The following DZIP1 variants were observed in gnomAD, a reference collection of about 807,000 sequenced individuals.
The protein encoded by DZIP1 is DAZ interacting zinc finger protein 1.
In DZIP1, 97 loss-of-function variants were observed where a neutral mutation model predicts 107.6. The observed-to-expected ratio is 0.90, with a 90% confidence interval of 0.77 to 1.07. DZIP1 has a LOEUF of 1.07. Among genes scored for constraint, DZIP1 ranks in the 50% least tolerant of loss-of-function variants. The probability of loss-of-function intolerance (pLI) is 0.00; values close to 1 mark genes in which losing one functional copy is unlikely to be tolerated. For synonymous variants in DZIP1, 390 were observed against 386.4 expected (o/e 1.01, Z -0.11); for missense variants, 1,035 against 1,063.6 (o/e 0.97, Z 0.37).
At chr13:95,620,747 A>G (rs1360805688) in intron 9 of DZIP1, among the ~76,000 whole-genome samples, 1 of 152,238 alleles carries the variant, frequency 6.6e-6, no homozygotes, top group African/African-American at 2.4e-5. Flanking sequence ...GGCCAAAAGG[A>G]AACACCAAGG....
chr13:95,626,611 A>G (rs950012836), intron 7 of DZIP1, among the ~76,000 whole-genome samples: 2 of 152,218 alleles, frequency 1.3e-5, no homozygotes, highest in Admixed American at 6.5e-5. Flanking sequence ...TCTACCAACT[A>G]TTTTAAAAAA....
chr13:95,615,919 A>C (rs1342681071), intron 10 of DZIP1, among the ~76,000 whole-genome samples: 4 of 152,226 alleles, frequency 2.6e-5, no homozygotes. Context: ...ATTTATTTCT[A>C]AATGTTCCCA....
chr13:95,613,781 G>A (rs2139152613), intron 10 of DZIP1, among the ~76,000 whole-genome samples: 1 of 152,314 alleles, frequency 6.6e-6, no homozygotes, highest in South Asian at 2.1e-4. Context: ...GAAAACTCAA[G>A]TCTAGAAAGG....
At chr13:95,640,003 T>TTA (rs1566438040) in intron 5 of DZIP1, among the ~76,000 whole-genome samples, 1 of 151,548 alleles carries the variant, frequency 6.6e-6, no homozygotes, top group African/African-American at 2.4e-5. Flanking sequence ...TATTTATTTT[T>TTA]TTTTTTTTGA....
intron 20 of DZIP1, among the ~76,000 whole-genome samples, chr13:95,587,130 A>C (rs973973322): frequency 3.3e-5 from 5 of 152,202 alleles, no homozygotes; most frequent in African/African-American, 1.2e-4. Context: ...AGAGATGCAC[A>C]CAGAGGGAAG....
At chr13:95,602,832 C>A (rs1405205395) in intron 14 of DZIP1, among the ~76,000 whole-genome samples, 2 of 152,184 alleles carry the variant, frequency 1.3e-5, no homozygotes, top group African/African-American at 4.8e-5. Context: ...TTCTGCAACA[C>A]TATTTGGGCC....
At chr13:95,623,948 A>G (rs1351835888) in intron 8 of DZIP1, among the ~76,000 whole-genome samples, 2 of 152,238 alleles carry the variant, frequency 1.3e-5, no homozygotes, top group Non-Finnish European at 2.9e-5. Context: ...TGAAAAAAAT[A>G]AAAAGTAAAA....
rs1265735229 is a variant in DZIP1 at position 95,581,291 on chromosome 13, A to G, written c.*943T>C. On this transcript the variant is annotated 3_prime_UTR_variant, in exon 23 of 23. Transcript: ENST00000376829. ...GACAATGTCATTGTTTAAGAATGTA[A>G]CTAAATTACTTTTGAGGTATTTCAT... 6.6e-6 allele frequency: 1 copy of G among 152,660 alleles called. No homozygotes were observed. Among genetic ancestry groups the G allele is most frequent in the East Asian group, 1.9e-4 (1 of 5,198 alleles). The allele number at this position is 152,660 out of a possible 1,614,324, so 9.5% of individuals were successfully genotyped here. A position where few individuals can be genotyped will look rare whatever the true frequency, so the allele number is the denominator to read the frequency against.
At chr13:95,637,636 CTCTCTCTCT>C (rs1877972286) in intron 5 of DZIP1, among the ~76,000 whole-genome samples, 2 of 142,148 alleles carry the variant, frequency 1.4e-5, no homozygotes, top group South Asian at 2.2e-4. Context: ...CTCTCTCTCT[CTCTCTCTCT>C]CCAAACACAG....
intron 16 of DZIP1, among the ~76,000 whole-genome samples, chr13:95,592,075 T>C (rs532384222): frequency 1.3e-5 from 2 of 152,244 alleles, no homozygotes; most frequent in South Asian, 4.1e-4. Flanking sequence ...ATGACAAAAA[T>C]GTCCTTTTAA....
rs912408112 is a variant in DZIP1, at chr13:95,580,154, G to A, written c.*2080C>T. ...GTTCGAGACCAGTCTGGCCAACATG[G>A]TGAAACCTCATCTCTACTAAAAATA... On this transcript the variant is annotated 3_prime_UTR_variant, in exon 23 of 23. Coordinates refer to ENST00000376829, the MANE Select transcript of DZIP1 (RefSeq NM_198968.4). 2.0e-5 allele frequency: 3 copies of A among 152,124 alleles called. No homozygotes were observed. Among genetic ancestry groups the A allele is most frequent in the African/African-American group, 7.2e-5 (3 of 41,408 alleles). The allele number at this position is 152,124 out of a possible 1,614,324, so 9.4% of individuals were successfully genotyped here.
chr13:95,594,840 TCTC>T (rs962975320), intron 15 of DZIP1, among the ~76,000 whole-genome samples: 2 of 150,032 alleles, frequency 1.3e-5, no homozygotes, highest in Admixed American at 1.3e-4. Flanking sequence ...TAGGACATAT[TCTC>T]CTCACTTCCA....
chr13:95,622,504 G>A (rs1258521550), intron 8 of DZIP1, 24 bp from the exon 9 acceptor site: 1 of 1,613,726 alleles, frequency 6.2e-7, no homozygotes, highest in Admixed American at 1.7e-5. Flanking sequence ...TTCAAGCTCA[G>A]TACTACAGTT....
At chr13:95,620,240 T>C (rs1875660081) in intron 9 of DZIP1, among the ~76,000 whole-genome samples, 1 of 152,170 alleles carries the variant, frequency 6.6e-6, no homozygotes, top group Admixed American at 6.5e-5. Context: ...CTTCACTCTT[T>C]CCTGCTCCAT....
At chr13:95,625,383 C>T (rs76107214) in intron 7 of DZIP1, among the ~76,000 whole-genome samples, 1,773 of 152,234 alleles carry the variant, frequency 0.012, 18 homozygotes, top group Non-Finnish European at 0.016. Flanking sequence ...TTCTCAATGA[C>T]CTTCAGGGTT....
chr13:95,587,922 C>A, intron 19 of DZIP1, 193 bp from the exon 20 acceptor site: 1 of 574,006 alleles, frequency 1.7e-6, no homozygotes, highest in East Asian at 3.0e-5. Context: ...TCCTCCCACG[C>A]CCAGATCTCT....
chr13:95,619,887 G>T lies in DZIP1; in HGVS notation c.1171C>A (p.Arg391=), dbSNP rs201059893. 378 of 1,613,564 alleles carry T rather than the reference G, an allele frequency of 2.3e-4. 2 individuals carry two copies. In the Admixed American group the frequency reaches 6.3e-3, roughly 27 times the overall value. The change falls in exon 10 of 23, where the codon CGG becomes AGG. Residue 391 remains arginine, a splice_region_variant and synonymous_variant. Coordinates refer to ENST00000376829, the MANE Select transcript of DZIP1 (RefSeq NM_198968.4). ...IHQEHKKEKG[R]LLSHIEKLRT... ...GGCCACTGGTTTCTTAACCTTACCC[G>T]ACCCTTCTCTTTCTTGTGTTCTTGA... is the stretch of plus-strand genomic sequence containing the variant.
intron 10 of DZIP1, among the ~76,000 whole-genome samples, chr13:95,615,340 C>T (rs1288320906): frequency 2.0e-5 from 3 of 152,132 alleles, no homozygotes; most frequent in Non-Finnish European, 4.4e-5. Context: ...GCCTTCCCAC[C>T]CCCGATTAAT....
At chr13:95,614,283 G>C (rs1035698698) in intron 10 of DZIP1, among the ~76,000 whole-genome samples, 4 of 152,094 alleles carry the variant, frequency 2.6e-5, no homozygotes, top group Non-Finnish European at 4.4e-5. Flanking sequence ...TTTCCTAGTG[G>C]ATACTAAGAA....
Sources: gnomAD v4.1 joint callset for allele counts (sites outside exome capture counted in the v4.1 genomes callset) on GRCh38, gnomAD v4.1.1 for gene constraint, MANE v1.5 for transcripts, NCBI Gene and HGNC (gene_info 2026-07-23, HGNC 2026-07-21) for gene names.